SORCS3: variants seen among roughly 807,000 people sequenced by gnomAD.
SORCS3 encodes the protein VPS10 domain-containing receptor SorCS3.
A neutral mutation model predicts 146.3 loss-of-function variants in SORCS3; 57 were observed. That is an observed-to-expected ratio of 0.39 (90% CI 0.31 to 0.49). The LOEUF (loss-of-function observed/expected upper bound fraction) is 0.49, where lower values mean the gene tolerates loss of function less well. SORCS3 is among the 20% of genes least tolerant of loss of function. The pLI, the probability that SORCS3 is intolerant of heterozygous loss-of-function variation, is 0.92. For synonymous variants in SORCS3, 653 were observed against 618.5 expected (o/e 1.06, Z -0.83); for missense variants, 1,341 against 1,575.5 (o/e 0.85, Z 2.52).
intron 5 of SORCS3, among the ~76,000 whole-genome samples, chr10:105,072,702 G>A (rs1336088323): frequency 8.8e-6 from 1 of 113,392 alleles, no homozygotes; most frequent in Non-Finnish European, 1.6e-5. Context: ...TGAGGAGGTA[G>A]ATTAAATAGC....
chr10:104,663,717 G>A (rs763194032), intron 1 of SORCS3, among the ~76,000 whole-genome samples: 39 of 152,184 alleles, frequency 2.6e-4, no homozygotes, highest in Non-Finnish European at 4.6e-4. Context: ...CTTGCTCTCT[G>A]AAATGCTTTT....
chr10:104,717,850 G>A (rs557479946), intron 1 of SORCS3, among the ~76,000 whole-genome samples: 2 of 152,138 alleles, frequency 1.3e-5, no homozygotes, highest in South Asian at 2.1e-4. Context: ...GCAAAAAAAA[G>A]TGTATTTGGG....
Position 105,211,335 on chromosome 10 carries a change from A to G in SORCS3, c.2375+85A>G, listed in dbSNP as rs1019177173. ...CAAAGGAAATGCATTGCTATTGAAT[A>G]CAATGGAGTGAAGATGGAGTCTGTT... is the stretch of plus-strand genomic sequence containing the variant. On this transcript the variant is annotated intron_variant, in intron 17 of 26. Coordinates refer to ENST00000369701, the MANE Select transcript of SORCS3 (RefSeq NM_014978.3). 4 of 896,288 alleles carry G rather than the reference A, an allele frequency of 4.5e-6. No individual in the cohort carries two copies. The African/African-American group carries it at 5.0e-5, about 11-fold the overall frequency. 55.5% of individuals were successfully genotyped at this position (896,288 alleles called of 1,614,324 possible).
intron 4 of SORCS3, among the ~76,000 whole-genome samples, chr10:105,009,527 CAAAAAAAAA>C (rs35368294): frequency 2.1e-4 from 22 of 105,218 alleles, no homozygotes; most frequent in Middle Eastern, 6.0e-3. Context: ...AACAAACAAA[CAAAAAAAAA>C]AAAAAAAAAA....
rs1263098820 is a variant in SORCS3 at position 105,199,896 on chromosome 10, C to T, written c.2010-103C>T. The T allele has an allele frequency of 5.0e-5, 40 of 807,946 alleles. 1 individual carries two copies. In the Admixed American group the frequency reaches 7.9e-4, roughly 16 times the overall value. The allele number at this position is 807,946 out of a possible 1,614,324, so 50.0% of individuals were successfully genotyped here. ...TCACTTTGGAAGAATAACTAAAGTC[C>T]AGGCTGCAGTGAATCTCTATCTCCT... On this transcript the variant is annotated intron_variant, in intron 14 of 26. Transcript: ENST00000369701.
At chr10:105,045,720 C>T (rs1350947620) in intron 5 of SORCS3, among the ~76,000 whole-genome samples, 1 of 152,110 alleles carries the variant, frequency 6.6e-6, no homozygotes. Flanking sequence ...CTATGGTTCC[C>T]TCATCCATCT....
At chr10:105,046,542 G>T (rs2055372982) in intron 5 of SORCS3, among the ~76,000 whole-genome samples, 1 of 152,104 alleles carries the variant, frequency 6.6e-6, no homozygotes, top group Non-Finnish European at 1.5e-5. Flanking sequence ...AGTGATGATT[G>T]TTGTAATGGT....
chr10:104,908,776 G>A (rs1192104126), intron 2 of SORCS3, among the ~76,000 whole-genome samples: 6 of 152,218 alleles, frequency 3.9e-5, no homozygotes, highest in Admixed American at 1.3e-4. Context: ...AGAGGAGGGC[G>A]TGGGTGGGAA....
chr10:104,649,004 G>GA (rs919641100), intron 1 of SORCS3, among the ~76,000 whole-genome samples: 1 of 151,996 alleles, frequency 6.6e-6, no homozygotes, highest in South Asian at 2.1e-4. Context: ...ACTGGAAAGA[G>GA]AAAAAACCTT....
intron 3 of SORCS3, among the ~76,000 whole-genome samples, chr10:104,951,510 T>G (rs943859430): frequency 1.1e-4 from 16 of 151,910 alleles, no homozygotes; most frequent in Admixed American, 1.0e-3. Flanking sequence ...ATTTTTTTTG[T>G]TTTTGTTTTT....
In SORCS3 at chr10:105,058,040, C is replaced by T. The variant is rs147899314; in HGVS notation, c.1028+14912C>T. ...CCCGCTGGACAGCCATGTCATATTC[C>T]GACATTCTCCAACCTTTTCCCCTAA... On this transcript the variant is annotated intron_variant, in intron 5 of 26. Coordinates refer to ENST00000369701, the MANE Select transcript of SORCS3 (RefSeq NM_014978.3). Among the ~76,000 whole-genome samples, 162 of 152,292 alleles carry T rather than the reference C, an allele frequency of 1.1e-3. 1 individual carries two copies. Among genetic ancestry groups the T allele is most frequent in the Non-Finnish European group, 1.9e-3 (130 of 68,036 alleles).
intron 1 of SORCS3, among the ~76,000 whole-genome samples, chr10:104,773,665 A>G (rs1274436008): frequency 6.6e-6 from 1 of 152,214 alleles, no homozygotes; most frequent in African/African-American, 2.4e-5. Context: ...AAGTTAGTCA[A>G]CTTCTCTGAG....
intron 2 of SORCS3, among the ~76,000 whole-genome samples, chr10:104,849,841 A>G (rs1589522904): frequency 1.3e-5 from 2 of 152,348 alleles, no homozygotes; most frequent in East Asian, 3.9e-4. Context: ...GAACAAATCT[A>G]GACTCCTAGG....
intron 1 of SORCS3, among the ~76,000 whole-genome samples, chr10:104,728,767 C>T (rs1021914680): frequency 1.3e-5 from 2 of 152,118 alleles, no homozygotes; most frequent in Admixed American, 6.5e-5. Flanking sequence ...TCTTTTCTAG[C>T]TCTAGATTTT....
intron 2 of SORCS3, among the ~76,000 whole-genome samples, chr10:104,889,376 G>A (rs1050933580): frequency 6.9e-6 from 1 of 144,848 alleles, no homozygotes; most frequent in Non-Finnish European, 1.5e-5. Context: ...GATGTTTTAG[G>A]TTTAAATCTG....
chr10:105,183,623 G>A (rs1035572826), intron 14 of SORCS3, among the ~76,000 whole-genome samples: 2 of 152,118 alleles, frequency 1.3e-5, no homozygotes, highest in African/African-American at 4.8e-5. Context: ...TAAGTCATTC[G>A]AGTAATCGGC....
At position 104,775,541 on chromosome 10, in the gene SORCS3, CAGAGTACTGAACT is replaced by C. The variant is rs2017298833; in HGVS notation, c.628-67247_628-67235del. Among the ~76,000 whole-genome samples the C allele has an allele frequency of 3.9e-5, 6 of 152,242 alleles. No individual in the cohort carries two copies. In the South Asian group the frequency reaches 1.2e-3, roughly 32 times the overall value. ...CATAAGAGATGATATGTTCAGCTCACAGAGTACTGAACTAGAAAGCCAATGGCCAGTGTGCTCC... is the reference window on the plus strand; with the variant it reads ...CATAAGAGATGATATGTTCAGCTCACAGAAAGCCAATGGCCAGTGTGCTCC... On this transcript the variant is annotated intron_variant, in intron 1 of 26. Transcript: ENST00000369701.
chr10:104,663,404 C>T (rs2015726919), intron 1 of SORCS3, among the ~76,000 whole-genome samples: 1 of 152,196 alleles, frequency 6.6e-6, no homozygotes, highest in Non-Finnish European at 1.5e-5. Context: ...TTTTCTTGTA[C>T]TCCCTACCCT....
rs1252153357 is a variant in SORCS3, at chr10:105,163,878, G to GCA, written c.1733-422_1733-421dup. ...AACATACACACAGACACACAGTTACGCACATACACACACACACACACACAC... is the reference window on the plus strand; with the variant it reads ...AACATACACACAGACACACAGTTACGCACACATACACACACACACACACACAC... On this transcript the variant is annotated intron_variant, in intron 11 of 26. Coordinates refer to ENST00000369701, the MANE Select transcript of SORCS3 (RefSeq NM_014978.3). Among the ~76,000 whole-genome samples, 343 of 112,474 alleles carry GCA rather than the reference G, an allele frequency of 3.0e-3. 1 individual carries two copies. The highest frequency in any genetic ancestry group is 0.012 in the African/African-American group (329 of 26,620). 73.8% of individuals were successfully genotyped at this position (112,474 alleles called of 152,430 possible).
Sources: gnomAD v4.1 joint callset for allele counts (sites outside exome capture counted in the v4.1 genomes callset) on GRCh38, gnomAD v4.1.1 for gene constraint, MANE v1.5 for transcripts, NCBI Gene and HGNC (gene_info 2026-07-23, HGNC 2026-07-21) for gene names.